Variants in PIBF1 observed in about 807,000 individuals in gnomAD.
PIBF1 encodes progesterone-induced-blocking factor 1.
In PIBF1, 90 loss-of-function variants were observed where a neutral mutation model predicts 112.5. The observed-to-expected ratio is 0.80, with a 90% CI of 0.67 to 0.95. The LOEUF is 0.95. Among genes scored for constraint, PIBF1 ranks in the 40% least tolerant of loss-of-function variants. The probability of loss-of-function intolerance (pLI) is 0.00; values close to 1 mark genes in which losing one functional copy is unlikely to be tolerated. For missense variants in PIBF1, 915 were observed against 852.3 expected, an observed-to-expected ratio of 1.07 and a Z score of -0.92; for synonymous variants, 301 against 288.6, an observed-to-expected ratio of 1.04 and a Z score of -0.44.
chr13:73,003,142 ATATGTTG>A (rs1242795276), intron 17 of PIBF1, among the ~76,000 whole-genome samples: 1 of 152,098 alleles, frequency 6.6e-6, no homozygotes, highest in Non-Finnish European at 1.5e-5. Flanking sequence ...ATTGGCTAGC[ATATGTTG>A]TATAGATAGA....
rs191481285 is a variant in PIBF1 at position 72,998,147 on chromosome 13, A to G, written c.2050-675A>G. On this transcript the variant is annotated intron_variant, in intron 16 of 17. Transcript: ENST00000326291. ...TCTTTTTCTCTACCATCTTTATATA[A>G]GAATTCAAAGGAAATGCGACAGTTT... Among the ~76,000 whole-genome samples the G allele has an allele frequency of 2.1e-3, 316 of 152,340 alleles. 4 individuals carry two copies. The highest frequency in any genetic ancestry group is 1.1e-3 in the Non-Finnish European group (76 of 68,030).
chr13:72,955,088 G>A (rs2042405692), intron 14 of PIBF1, among the ~76,000 whole-genome samples: 1 of 152,138 alleles, frequency 6.6e-6, no homozygotes, highest in African/African-American at 2.4e-5. Context: ...TTATTTTTGA[G>A]GTTGTTCTGA....
intron 10 of PIBF1, among the ~76,000 whole-genome samples, chr13:72,859,322 G>A (rs1486924275): frequency 1.3e-5 from 2 of 152,102 alleles, no homozygotes; most frequent in African/African-American, 4.8e-5. Context: ...GATTTGATAA[G>A]ACTTTCCATG....
intron 15 of PIBF1, chr13:72,969,651 A>G (rs2042838692): frequency 6.6e-6 from 1 of 152,188 alleles, no homozygotes; most frequent in African/African-American, 2.4e-5. Context: ...AGTTCTGTAT[A>G]CCCACATTCC....
chr13:72,844,332 G>T (rs1020110860), intron 9 of PIBF1, among the ~76,000 whole-genome samples: 2 of 152,150 alleles, frequency 1.3e-5, no homozygotes, highest in Non-Finnish European at 2.9e-5. Flanking sequence ...ACTTAAAATA[G>T]AAATTCTGTC....
intron 9 of PIBF1, among the ~76,000 whole-genome samples, chr13:72,843,312 A>C (rs945673173): frequency 6.6e-6 from 1 of 152,230 alleles, no homozygotes; most frequent in African/African-American, 2.4e-5. Flanking sequence ...GAGAATTGGC[A>C]AGATCTGGTG....
chr13:72,795,454 G>T lies in PIBF1; in HGVS notation c.449G>T (p.Gly150Val). 2 of 1,609,820 alleles carry T rather than the reference G, an allele frequency of 1.2e-6. No homozygotes were observed. The highest frequency in any genetic ancestry group is 1.7e-6 in the Non-Finnish European group (2 of 1,177,648). ...AATCTTCAGCTAAGAGAAAAAGCTG[G>T]AGATGTTCGTCGAAACCTGCGTGAC... ...ETNLQLREKA[G>V]DVRRNLRDFE... is the part of the protein sequence containing the mutation. The change falls in exon 4 of 18, where the codon GGA becomes GTA. Residue 150 changes from glycine (G) to valine (V), a missense_variant. Transcript: ENST00000326291.
In PIBF1 at chr13:72,973,600, TAAAG is replaced by T. The variant is rs767868497; in HGVS notation, c.1978_1981del (p.Glu660SerfsTer13). On this transcript the variant is annotated frameshift_variant, in exon 16 of 18. Transcript: ENST00000326291. LOFTEE classifies it high-confidence loss of function. ...GGGTTTTTTTTTTCAGCAACTTAAATAAAGAAAAGTCAGCTTTACTACAGACGAA... is the reference window on the plus strand; with the variant it reads ...GGGTTTTTTTTTTCAGCAACTTAAATAAAAGTCAGCTTTACTACAGACGAA... 45 of 1,545,650 alleles carry T rather than the reference TAAAG, an allele frequency of 2.9e-5. No homozygotes were observed. The African/African-American group carries it at 5.0e-4, about 17-fold the overall frequency.
At chr13:72,963,020 A>T (rs989915094) in intron 14 of PIBF1, among the ~76,000 whole-genome samples, 4 of 152,212 alleles carry the variant, frequency 2.6e-5, no homozygotes, top group African/African-American at 9.6e-5. Context: ...GAGTGCTAGG[A>T]CCATTTCATG....
rs567943170 is a variant in PIBF1, at chr13:72,947,654, C to A, written c.1833+16387C>A. ...TTTTCCCCCAGAGTGTAAATTAGTT[C>A]AACCATTGTGGAAGATAGTGTGGCG... On this transcript the variant is annotated intron_variant, in intron 14 of 17. Coordinates refer to ENST00000326291, the MANE Select transcript of PIBF1 (RefSeq NM_006346.4). Among the ~76,000 whole-genome samples, 24 of 152,266 alleles carry A rather than the reference C, an allele frequency of 1.6e-4. 1 individual carries two copies. In the South Asian group the frequency reaches 5.0e-3, roughly 32 times the overall value.
intron 9 of PIBF1, among the ~76,000 whole-genome samples, chr13:72,838,500 A>G (rs2037457077): frequency 1.3e-5 from 2 of 152,250 alleles, no homozygotes; most frequent in Admixed American, 1.3e-4. Flanking sequence ...CAGCAGATTC[A>G]GAGAGACTCC....
chr13:72,984,975 G>T (rs2043239593), intron 16 of PIBF1, among the ~76,000 whole-genome samples: 1 of 152,040 alleles, frequency 6.6e-6, no homozygotes, highest in Non-Finnish European at 1.5e-5. Flanking sequence ...AGAATGAAAT[G>T]TGTATTTTCC....
At chr13:72,966,691 C>T (rs970579889) in intron 15 of PIBF1, among the ~76,000 whole-genome samples, 16 of 152,054 alleles carry the variant, frequency 1.1e-4, no homozygotes, top group Admixed American at 3.9e-4. Flanking sequence ...GGCAGATCAC[C>T]TGAGGTCAGG....
intron 17 of PIBF1, 76 bp from the exon 18 acceptor site, chr13:73,015,793 A>T (rs74092091): frequency 2.7e-6 from 2 of 752,366 alleles, no homozygotes; most frequent in South Asian, 2.2e-5. Context: ...ACCTCAATGT[A>T]TATAGTTCTC....
rs571336426 is a variant in PIBF1, at chr13:72,902,235, G to A, written c.1489-6296G>A. Among the ~76,000 whole-genome samples, 30 of 152,210 alleles carry A rather than the reference G, an allele frequency of 2.0e-4. No individual in the cohort carries two copies. In the South Asian group the frequency reaches 5.6e-3, roughly 28 times the overall value. ...ACAATGGACTTTGGGTACTTGGGGG[G>A]AAGAGTGGAACAGGGAAAGGGTAAA... On this transcript the variant is annotated intron_variant, in intron 11 of 17. Transcript: ENST00000326291.
intron 11 of PIBF1, among the ~76,000 whole-genome samples, chr13:72,904,187 G>T (rs916669370): frequency 6.6e-6 from 1 of 151,380 alleles, no homozygotes; most frequent in South Asian, 2.1e-4. Flanking sequence ...GCATATGAAG[G>T]TTTATTTTAC....
intron 11 of PIBF1, among the ~76,000 whole-genome samples, chr13:72,904,414 CCAAAATAT>C (rs1300170378): frequency 1.0e-5 from 1 of 100,258 alleles, no homozygotes; most frequent in Non-Finnish European, 2.1e-5. Context: ...TGTCATTTAT[CCAAAATAT>C]CAAAATATTT....
At chr13:72,862,447 A>T (rs914599440) in intron 10 of PIBF1, among the ~76,000 whole-genome samples, 2 of 152,066 alleles carry the variant, frequency 1.3e-5, no homozygotes, top group Admixed American at 1.3e-4. Flanking sequence ...TCAAATAAAT[A>T]AATTAATTAA....
chr13:72,840,550 G>C (rs2037563916), intron 9 of PIBF1, among the ~76,000 whole-genome samples: 2 of 143,876 alleles, frequency 1.4e-5, no homozygotes, highest in Non-Finnish European at 3.0e-5. Context: ...TTTTGACGGA[G>C]TCTTGCTCTG....
Sources: allele counts gnomAD v4.1 joint callset (sites outside exome capture counted in the v4.1 genomes callset), GRCh38; gene constraint gnomAD v4.1.1; transcripts MANE v1.5; gene names NCBI Gene and HGNC (gene_info 2026-07-23, HGNC 2026-07-21).